DGKB: variants seen among roughly 807,000 people sequenced by gnomAD.
DGKB encodes the protein 90 kDa diacylglycerol kinase.
DGKB carries 67 observed loss-of-function variants against 114.3 expected under a neutral mutation model. The observed-to-expected ratio is 0.59, with a 90% CI of 0.48 to 0.72. The LOEUF is 0.72. Ranked by LOEUF, DGKB falls within the 30% of genes least tolerant of loss-of-function variation. The pLI is 0.00. For synonymous variants in DGKB, 398 were observed against 323.1 expected, an observed-to-expected ratio of 1.23 and a Z score of -2.49; for missense variants, 907 against 975.2, an observed-to-expected ratio of 0.93 and a Z score of 0.93.
At chr7:14,949,939 C>G (rs970105276) in intron 1 of DGKB, among the ~76,000 whole-genome samples, 1 of 150,688 alleles carries the variant, frequency 6.6e-6, no homozygotes, top group Admixed American at 6.6e-5. Context: ...ACATCACACA[C>G]AGGAGCTTGT....
intron 21 of DGKB, among the ~76,000 whole-genome samples, chr7:14,393,554 A>G (rs527352963): frequency 6.6e-6 from 1 of 152,060 alleles, no homozygotes; most frequent in African/African-American, 2.4e-5. Context: ...AAGTATGAGA[A>G]TTCATTATCT....
chr7:14,185,384 A>G (rs1301867493), intron 23 of DGKB, among the ~76,000 whole-genome samples: 1 of 152,174 alleles, frequency 6.6e-6, no homozygotes, highest in African/African-American at 2.4e-5. Context: ...AACAAATGGA[A>G]ACACATTCCA....
At chr7:14,585,252 T>C (rs900415262) in intron 17 of DGKB, among the ~76,000 whole-genome samples, 5 of 152,164 alleles carry the variant, frequency 3.3e-5, no homozygotes, top group Non-Finnish European at 5.9e-5. Context: ...TATACTAATA[T>C]ATATACAATA....
At chr7:14,820,205 A>T (rs1396392965) in intron 2 of DGKB, among the ~76,000 whole-genome samples, 2 of 152,300 alleles carry the variant, frequency 1.3e-5, no homozygotes, top group East Asian at 3.9e-4. Context: ...TATAGATCCT[A>T]GATCAATAAA....
chr7:14,741,376 A>T (rs1270055097), intron 4 of DGKB, among the ~76,000 whole-genome samples: 2 of 152,214 alleles, frequency 1.3e-5, no homozygotes, highest in African/African-American at 4.8e-5. Flanking sequence ...CTCAAGCTGT[A>T]GCCAATCTGT....
intron 21 of DGKB, among the ~76,000 whole-genome samples, chr7:14,477,014 T>G (rs887163446): frequency 6.6e-6 from 1 of 152,102 alleles, no homozygotes; most frequent in Admixed American, 6.6e-5. Context: ...CCTCCCAAAG[T>G]GCTGGGATTA....
intron 3 of DGKB, among the ~76,000 whole-genome samples, chr7:14,755,687 C>T (rs927089292): frequency 6.6e-6 from 1 of 152,008 alleles, no homozygotes; most frequent in Non-Finnish European, 1.5e-5. Context: ...ACTTTAAGGG[C>T]ATAAAGATTT....
intron 21 of DGKB, among the ~76,000 whole-genome samples, chr7:14,441,026 T>C (rs1355093792): frequency 1.3e-5 from 2 of 152,158 alleles, no homozygotes; most frequent in Non-Finnish European, 2.9e-5. Context: ...TAGAATTCTT[T>C]TTTTTCTTTT....
chr7:14,437,083 A>C (rs1027376287), intron 21 of DGKB, among the ~76,000 whole-genome samples: 4 of 152,066 alleles, frequency 2.6e-5, no homozygotes, highest in Admixed American at 2.6e-4. Flanking sequence ...CTGCAACCTC[A>C]GCAAACTATA....
At chr7:14,675,703 A>G (rs948551855) in intron 12 of DGKB, among the ~76,000 whole-genome samples, 17 of 151,998 alleles carry the variant, frequency 1.1e-4, no homozygotes, top group African/African-American at 4.1e-4. Flanking sequence ...AGGAGGATCT[A>G]TAAGTTTAGT....
At chr7:14,260,280 T>A (rs1036074344) in intron 23 of DGKB, among the ~76,000 whole-genome samples, 2 of 152,164 alleles carry the variant, frequency 1.3e-5, no homozygotes, top group Non-Finnish European at 2.9e-5. Flanking sequence ...GAAATGAAAA[T>A]TCATAAAGTA....
intron 20 of DGKB, among the ~76,000 whole-genome samples, chr7:14,486,823 G>T (rs1179913219): frequency 1.3e-5 from 2 of 152,060 alleles, no homozygotes; most frequent in African/African-American, 4.8e-5. Flanking sequence ...GTAAAGTATT[G>T]ACAATTATTA....
At chr7:14,288,034 C>A (rs1454899402) in intron 23 of DGKB, among the ~76,000 whole-genome samples, 1 of 152,154 alleles carries the variant, frequency 6.6e-6, no homozygotes, top group Non-Finnish European at 1.5e-5. Flanking sequence ...TGCAAGGTTT[C>A]TCTGCAAATA....
At chr7:14,428,689 G>A (rs1228428776) in intron 21 of DGKB, among the ~76,000 whole-genome samples, 2 of 152,052 alleles carry the variant, frequency 1.3e-5, no homozygotes, top group African/African-American at 4.8e-5. Context: ...TCTAATTAAT[G>A]GGAAGTTTCT....
rs1801008568 is a variant in DGKB, at chr7:14,587,696, T to C, written c.1434-4559A>G. On this transcript the variant is annotated intron_variant, in intron 17 of 25. Transcript: ENST00000402815. The stretch of plus-strand genomic sequence containing the variant: ...CCACCTTCAGCAACCACCACTCTGA[T>C]CATTTGGTTCCCATTAAAATCAAGG... Among the ~76,000 whole-genome samples, 5 of 152,260 alleles carry C rather than the reference T, an allele frequency of 3.3e-5. No homozygotes were observed. The South Asian group carries it at 1.0e-3, about 32-fold the overall frequency.
intron 2 of DGKB, among the ~76,000 whole-genome samples, chr7:14,777,611 C>T (rs1304833811): frequency 6.6e-6 from 1 of 152,162 alleles, no homozygotes; most frequent in African/African-American, 2.4e-5. Flanking sequence ...TTTGCTTCTC[C>T]TTCTGCCATG....
chr7:14,387,592 T>C (rs1820617433), intron 21 of DGKB, among the ~76,000 whole-genome samples: 1 of 151,966 alleles, frequency 6.6e-6, no homozygotes, highest in East Asian at 1.9e-4. Flanking sequence ...GTTTTGTTTG[T>C]TTTCTGTAGA....
Position 14,499,521 on chromosome 7 carries a change from C to T in DGKB, c.1771-21296G>A, listed in dbSNP as rs143285317. The stretch of plus-strand genomic sequence containing the variant: ...CTTCTGGCTTAAGTCTTCTTGAATA[C>T]CAAAAGTTAGAAGGAAGACATGGCA... On this transcript the variant is annotated intron_variant, in intron 20 of 25. Coordinates refer to ENST00000402815, the MANE Select transcript of DGKB (RefSeq NM_001350709.2). Among the ~76,000 whole-genome samples, 5 of 151,780 alleles carry T rather than the reference C, an allele frequency of 3.3e-5. No homozygotes were observed. The East Asian group carries it at 5.8e-4, about 18-fold the overall frequency.
intron 23 of DGKB, among the ~76,000 whole-genome samples, chr7:14,243,932 G>A (rs1794031363): frequency 6.6e-6 from 1 of 152,092 alleles, no homozygotes. Flanking sequence ...CCTAACTTGA[G>A]TAAAATGAAG....
Sources: allele counts gnomAD v4.1 joint callset (sites outside exome capture counted in the v4.1 genomes callset), GRCh38; gene constraint gnomAD v4.1.1; transcripts MANE v1.5; gene names NCBI Gene and HGNC (gene_info 2026-07-23, HGNC 2026-07-21).